The following ERN1 variants were observed in gnomAD, a reference collection of about 807,000 sequenced individuals.
The protein encoded by ERN1 is serine/threonine-protein kinase/endoribonuclease IRE1.
A neutral mutation model predicts 113.1 loss-of-function variants in ERN1; 39 were observed. The observed-to-expected ratio is 0.34, with a 90% CI of 0.27 to 0.45. ERN1 has a LOEUF of 0.45. ERN1 is among the 20% of genes least tolerant of loss of function. The probability of loss-of-function intolerance (pLI) is 1.00; values close to 1 mark genes in which losing one functional copy is unlikely to be tolerated. For missense variants in ERN1, 976 were observed against 1,274.8 expected, an observed-to-expected ratio of 0.77 and a Z score of 3.57; for synonymous variants, 507 against 515.9, an observed-to-expected ratio of 0.98 and a Z score of 0.23.
At position 64,098,230 on chromosome 17, in the gene ERN1, A is replaced by G. The variant is rs755591660; in HGVS notation, c.66T>C (p.Ser22=). ...TTTCAGGAAGCGTCACTGTGCTGGTACTTCCAAAAATCTGCAACGAGATGT... is the reference window on the plus strand; with the variant it reads ...TTTCAGGAAGCGTCACTGTGCTGGTGCTTCCAAAAATCTGCAACGAGATGT... ...LLLPGLGIFG[S]TSTVTLPETL... is the part of the protein sequence containing the mutation. The change falls in exon 2 of 22, where the codon AGT becomes AGC. Residue 22 remains serine, a synonymous_variant. Coordinates refer to ENST00000433197, the MANE Select transcript of ERN1 (RefSeq NM_001433.5). 44 of 1,613,872 alleles carry G rather than the reference A, an allele frequency of 2.7e-5. No individual in the cohort carries two copies. The Middle Eastern group carries it at 2.5e-3, about 90-fold the overall frequency.
At chr17:64,119,863 A>G (rs1158493142) in intron 1 of ERN1, among the ~76,000 whole-genome samples, 4 of 152,002 alleles carry the variant, frequency 2.6e-5, no homozygotes, top group African/African-American at 4.8e-5. Flanking sequence ...AAGGTACAAA[A>G]ATTACTTGAA....
chr17:64,111,658 G>A (rs756982238), intron 1 of ERN1, among the ~76,000 whole-genome samples: 7 of 152,010 alleles, frequency 4.6e-5, no homozygotes, highest in Non-Finnish European at 1.0e-4. Flanking sequence ...CGCCCGGCCA[G>A]GTCATCCAAT....
At chr17:64,087,695 GAA>G (rs997246676) in intron 2 of ERN1, among the ~76,000 whole-genome samples, 19 of 152,008 alleles carry the variant, frequency 1.2e-4, no homozygotes, top group Non-Finnish European at 2.4e-4. Context: ...TTTATAAAAT[GAA>G]AAGTTAAAAA....
chr17:64,069,641 GTCTC>G (rs1913347033), intron 6 of ERN1, among the ~76,000 whole-genome samples: 1 of 152,150 alleles, frequency 6.6e-6, no homozygotes, highest in African/African-American at 2.4e-5. Flanking sequence ...TGTGATATGT[GTCTC>G]TCTTTCCTGC....
intron 1 of ERN1, among the ~76,000 whole-genome samples, chr17:64,101,426 G>A (rs1330916106): frequency 6.6e-6 from 1 of 151,808 alleles, no homozygotes; most frequent in Non-Finnish European, 1.5e-5. Context: ...AAAAAGAAAG[G>A]GAAAACAATA....
chr17:64,064,444 A>T (rs9908361), intron 9 of ERN1, among the ~76,000 whole-genome samples: 7,434 of 152,314 alleles, frequency 0.049, 597 homozygotes, highest in African/African-American at 0.17. Flanking sequence ...ACATAAGTGA[A>T]GGAGAATGAA....
rs1023842595 is a variant in ERN1, at chr17:64,129,584, C to G, written c.54+392G>C. On this transcript the variant is annotated intron_variant, in intron 1 of 21. Coordinates refer to ENST00000433197, the MANE Select transcript of ERN1 (RefSeq NM_001433.5). ...CTCCGCGGCCCCCGCCAGGCAGCGC[C>G]GGCGCCCGCCCGCGAGGAGGAGGGT... 12 of 358,546 alleles carry G rather than the reference C, an allele frequency of 3.3e-5. No homozygotes were observed. In the Admixed American group the frequency reaches 5.2e-4, roughly 15 times the overall value. The allele number at this position is 358,546 out of a possible 1,614,324, so 22.2% of individuals were successfully genotyped here.
chr17:64,115,809 G>A (rs1280611046), intron 1 of ERN1, among the ~76,000 whole-genome samples: 6 of 152,150 alleles, frequency 3.9e-5, no homozygotes, highest in Non-Finnish European at 8.8e-5. Flanking sequence ...CCAGGCATGG[G>A]TTTCCAAGAA....
chr17:64,098,310 C>T (rs1914286196), intron 1 of ERN1, 69 bp from the exon 2 acceptor site: 2 of 1,558,970 alleles, frequency 1.3e-6, no homozygotes, highest in East Asian at 2.2e-5. Flanking sequence ...CAATCACAGA[C>T]CCCCCACTCC....
chr17:64,054,210 G>T lies in ERN1; in HGVS notation c.1953+40C>A. 1.9e-6 allele frequency: 3 copies of T among 1,541,488 alleles called. No individual in the cohort carries two copies. The South Asian group carries it at 3.6e-5, about 18-fold the overall frequency. ...TCACTTTGGCCTCCCAAAGTGCTAT[G>T]ACTTTAATAAAGTTAACAAAATAAA... On this transcript the variant is annotated intron_variant, in intron 15 of 21. Coordinates refer to ENST00000433197, the MANE Select transcript of ERN1 (RefSeq NM_001433.5). This position sits in a 1 kb window ranked among gnomAD's most constrained non-coding sequence, Gnocchi z 4.9.
chr17:64,082,772 T>C (rs1288067515), intron 2 of ERN1, among the ~76,000 whole-genome samples: 1 of 152,190 alleles, frequency 6.6e-6, no homozygotes, highest in Non-Finnish European at 1.5e-5. Context: ...ATCAGGAAGG[T>C]TCCAGTTAAG....
rs1334999700 is a variant in ERN1, at chr17:64,098,194, AAAC to A, written c.99_101del (p.Leu33del). On this transcript the variant is annotated inframe_deletion, in exon 2 of 22. Coordinates refer to ENST00000433197, the MANE Select transcript of ERN1 (RefSeq NM_001433.5). ...GCAAACTTCCATCCAGCGTTGACAC[AAAC>A]AACAAGGTTTCAGGAAGCGTCACTG... 1.9e-5 allele frequency: 30 copies of A among 1,613,976 alleles called. No homozygotes were observed. The highest frequency in any genetic ancestry group is 2.5e-5 in the Non-Finnish European group (30 of 1,179,870).
In ERN1 at chr17:64,065,233, C is replaced by T; in HGVS notation, c.897G>A (p.Met299Ile). The change falls in exon 9 of 22, where the codon ATG becomes ATA. Residue 299 changes from methionine (M) to isoleucine (I), a missense_variant. Coordinates refer to ENST00000433197, the MANE Select transcript of ERN1 (RefSeq NM_001433.5). ...CCACGACAGCAACCCCCTCGTGTAC[C>T]ATTGAGGGAGAGGCATAGAGGCTGG... Reference protein sequence around the residue: ...YSTSLYASPSMVHEGVAVVPR... With the variant: ...YSTSLYASPSIVHEGVAVVPR... 1 of 1,609,052 alleles carries T rather than the reference C, an allele frequency of 6.2e-7. No homozygotes were observed. Among genetic ancestry groups the T allele is most frequent in the Non-Finnish European group, 8.5e-7 (1 of 1,177,678 alleles).
At position 64,063,477 on chromosome 17, in the gene ERN1, C is replaced by G. The variant is rs1913116416; in HGVS notation, c.1087+509G>C. On this transcript the variant is annotated intron_variant, in intron 10 of 21. Transcript: ENST00000433197. This position sits in a 1 kb window ranked among gnomAD's most constrained non-coding sequence, Gnocchi z 5.1. ...GGACCTTCCCACACACCTGGGATGA[C>G]ACTGCCCTAGAACCACAACCAGCCC... Among the ~76,000 whole-genome samples, 1 of 152,182 alleles carries G rather than the reference C, an allele frequency of 6.6e-6. No homozygotes were observed. The highest frequency in any genetic ancestry group is 1.5e-5 in the Non-Finnish European group (1 of 68,038).
intron 2 of ERN1, among the ~76,000 whole-genome samples, chr17:64,094,822 C>T (rs566692887): frequency 2.0e-5 from 3 of 152,164 alleles, no homozygotes; most frequent in Admixed American, 6.5e-5. Flanking sequence ...TCAAACCTCT[C>T]GTCACTACTA....
chr17:64,109,243 C>T (rs1914611476), intron 1 of ERN1, among the ~76,000 whole-genome samples: 1 of 152,066 alleles, frequency 6.6e-6, no homozygotes, highest in Non-Finnish European at 1.5e-5. Context: ...GTCAATTTTG[C>T]TCTTCATATT....
At position 64,049,006 on chromosome 17, in the gene ERN1, C is replaced by G; in HGVS notation, c.2401+49G>C. On this transcript the variant is annotated intron_variant, in intron 18 of 21. Coordinates refer to ENST00000433197, the MANE Select transcript of ERN1 (RefSeq NM_001433.5). This position sits in a 1 kb window ranked among gnomAD's most constrained non-coding sequence, Gnocchi z 4.7. ...CACCAGCCCAGCTCTGCAGGGCCAC[C>G]TGAGGCAGCTGAGGAGCTGCTCCCA... 6.7e-7 allele frequency: 1 copy of G among 1,496,774 alleles called. No individual in the cohort carries two copies. The allele number at this position is 1,496,774 out of a possible 1,614,324, so 92.7% of individuals were successfully genotyped here.
In ERN1 at chr17:64,044,204, C is replaced by A. The variant is rs1427226573; in HGVS notation, c.2722-4G>T. 6.6e-7 allele frequency: 1 copy of A among 1,522,614 alleles called. No individual in the cohort carries two copies. The highest frequency in any genetic ancestry group is 1.3e-5 in the South Asian group (1 of 77,508). 94.3% of individuals were successfully genotyped at this position (1,522,614 alleles called of 1,614,324 possible). A position where few individuals can be genotyped will look rare whatever the true frequency, so the allele number is the denominator to read the frequency against. On this transcript the variant is annotated splice_polypyrimidine_tract_variant and splice_region_variant and intron_variant, in intron 21 of 21. Transcript: ENST00000433197. This position sits in a 1 kb window ranked among gnomAD's most constrained non-coding sequence, Gnocchi z 4.1. ...GCAGCTCCCGGTAGTGGTGCTTCTG[C>A]AAAGAGTTAGAAAGCTCGGGAGATT...
Position 64,085,391 on chromosome 17 carries a change from A to G in ERN1, c.176-4583T>C, listed in dbSNP as rs539919145. ...GGCGAGAGAAGCAGCGAGAGGGGAGAAGGTGCCAGGCTCTTTTTAAGAACC... is the reference window on the plus strand; with the variant it reads ...GGCGAGAGAAGCAGCGAGAGGGGAGGAGGTGCCAGGCTCTTTTTAAGAACC... On this transcript the variant is annotated intron_variant, in intron 2 of 21. Coordinates refer to ENST00000433197, the MANE Select transcript of ERN1 (RefSeq NM_001433.5). 3.9e-5 allele frequency among the ~76,000 whole-genome samples: 6 copies of G among 152,216 alleles called. No homozygotes were observed. The South Asian group carries it at 1.0e-3, about 26-fold the overall frequency.
Sources: gnomAD v4.1 joint callset for allele counts (sites outside exome capture counted in the v4.1 genomes callset) on GRCh38, gnomAD v4.1.1 for gene constraint, Gnocchi (gnomAD v3.1) non-coding constraint, MANE v1.5 for transcripts, NCBI Gene and HGNC (gene_info 2026-07-23, HGNC 2026-07-21) for gene names.